AFF3: variants seen among roughly 807,000 people sequenced by gnomAD.
The protein encoded by AFF3 is AF4/FMR2 family member 3.
A neutral mutation model predicts 129.7 loss-of-function variants in AFF3; 32 were observed. The ratio of observed to expected loss-of-function variants is 0.25; its 90% CI spans 0.19 to 0.33. AFF3 has a LOEUF of 0.33. Ranked by LOEUF, AFF3 falls within the 10% of genes least tolerant of loss-of-function variation. The probability of loss-of-function intolerance (pLI) is 1.00; values close to 1 mark genes in which losing one functional copy is unlikely to be tolerated. For missense variants in AFF3, 1,373 were observed against 1,592.0 expected, an observed-to-expected ratio of 0.86 and a Z score of 2.34; for synonymous variants, 644 against 635.4, an observed-to-expected ratio of 1.01 and a Z score of -0.20.
chr2:99,728,246 C>A (rs978566244), intron 10 of AFF3, among the ~76,000 whole-genome samples: 3 of 152,156 alleles, frequency 2.0e-5, no homozygotes, highest in African/African-American at 7.2e-5. Context: ...TAACTGAGAG[C>A]GTGGGCTCGT....
In AFF3 at chr2:99,841,211, C is replaced by T. The variant is rs1226767950; in HGVS notation, c.874-3687G>A. ...AATGACAGGTTGCTTTTATAACTAT[C>T]TCCCTTATAATCCTATACATTTCAA... is the stretch of plus-strand genomic sequence containing the variant. On this transcript the variant is annotated intron_variant, in intron 7 of 24. Transcript: ENST00000672756. Among the ~76,000 whole-genome samples, 5 of 152,346 alleles carry T rather than the reference C, an allele frequency of 3.3e-5. No homozygotes were observed. The East Asian group carries it at 5.8e-4, about 18-fold the overall frequency.
chr2:100,016,191 A>G (rs369531099), intron 4 of AFF3, among the ~76,000 whole-genome samples: 13 of 128,472 alleles, frequency 1.0e-4, no homozygotes, highest in African/African-American at 3.9e-4. Context: ...CGATGCTGAT[A>G]ATGATTGTGG....
chr2:99,673,233 C>T (rs1158169789), intron 11 of AFF3, among the ~76,000 whole-genome samples: 1 of 151,830 alleles, frequency 6.6e-6, no homozygotes, highest in Non-Finnish European at 1.5e-5. Flanking sequence ...GAGTTGTGAG[C>T]GAAGCTTCTT....
intron 1 of AFF3, among the ~76,000 whole-genome samples, chr2:100,131,581 TC>T (rs1692431148): frequency 6.6e-6 from 1 of 152,156 alleles, no homozygotes; most frequent in Admixed American, 6.5e-5. Flanking sequence ...TGCCTCAGCC[TC>T]CCGAGGAGCT....
At chr2:99,896,497 G>A (rs891855871) in intron 7 of AFF3, among the ~76,000 whole-genome samples, 4 of 151,756 alleles carry the variant, frequency 2.6e-5, no homozygotes, top group African/African-American at 7.3e-5. Flanking sequence ...GATGCCTTTT[G>A]CATGAACTGT....
intron 7 of AFF3, among the ~76,000 whole-genome samples, chr2:99,983,763 A>G (rs1679611408): frequency 6.6e-6 from 1 of 152,240 alleles, no homozygotes; most frequent in South Asian, 2.1e-4. Context: ...GAGTTTAATC[A>G]AAAGAAGAAA....
chr2:100,004,485 CT>C (rs1235805665), intron 7 of AFF3, among the ~76,000 whole-genome samples: 8 of 152,030 alleles, frequency 5.3e-5, no homozygotes, highest in African/African-American at 1.9e-4. Flanking sequence ...TGGGATCTCA[CT>C]ATGTTGCCCA....
intron 11 of AFF3, among the ~76,000 whole-genome samples, chr2:99,674,251 T>G (rs1397878870): frequency 6.6e-6 from 1 of 152,172 alleles, no homozygotes; most frequent in South Asian, 2.1e-4. Context: ...ACGCCATTCA[T>G]TTCCTTCACC....
At chr2:99,707,358 A>ATT (rs1677498395) in intron 11 of AFF3, 1 of 985,212 alleles carries the variant, frequency 1.0e-6, no homozygotes, top group Non-Finnish European at 1.2e-6. Context: ...TTAAATTAAA[A>ATT]AAGCCATCTT....
chr2:99,674,686 A>C (rs1301811989), intron 11 of AFF3, among the ~76,000 whole-genome samples: 2 of 152,116 alleles, frequency 1.3e-5, no homozygotes, highest in Non-Finnish European at 2.9e-5. Context: ...TGTCAGATGG[A>C]GGCTGTGTGG....
At chr2:99,987,420 G>T (rs559413887) in intron 7 of AFF3, among the ~76,000 whole-genome samples, 2 of 152,288 alleles carry the variant, frequency 1.3e-5, no homozygotes, top group South Asian at 4.1e-4. Context: ...TTAAGCTAAC[G>T]TTAGTTTAGA....
intron 10 of AFF3, 115 bp downstream of exon 10, chr2:99,743,989 T>C: frequency 1.1e-6 from 1 of 872,658 alleles, no homozygotes; most frequent in Non-Finnish European, 1.7e-6. Flanking sequence ...CCCCAGTTTT[T>C]TAGTGAATTT....
chr2:100,119,027 C>T (rs1691844815), intron 2 of AFF3, among the ~76,000 whole-genome samples: 1 of 152,198 alleles, frequency 6.6e-6, no homozygotes, highest in Non-Finnish European at 1.5e-5. Context: ...TCATGAACCC[C>T]CTGACCTCAG....
Position 99,892,767 on chromosome 2 carries a change from T to C in AFF3, c.874-55243A>G, listed in dbSNP as rs138650946. Among the ~76,000 whole-genome samples the C allele has an allele frequency of 7.4e-4, 112 of 152,314 alleles. 5 individuals carry two copies. The East Asian group carries it at 0.02, about 28-fold the overall frequency. On this transcript the variant is annotated intron_variant, in intron 7 of 24. Transcript: ENST00000672756. ...TTCCTGCTCAAGACAGCATCCGATCTCTGTAGCACTGCAGGCCCTGACTGC... is the reference window on the plus strand; with the variant it reads ...TTCCTGCTCAAGACAGCATCCGATCCCTGTAGCACTGCAGGCCCTGACTGC...
At chr2:99,731,111 A>G (rs4241200) in intron 10 of AFF3, among the ~76,000 whole-genome samples, 1 of 151,604 alleles carries the variant, frequency 6.6e-6, no homozygotes, top group Non-Finnish European at 1.5e-5. Context: ...CTGCATGCCA[A>G]AACACCTGGC....
At chr2:100,051,872 T>C (rs1686363994) in intron 4 of AFF3, among the ~76,000 whole-genome samples, 1 of 152,226 alleles carries the variant, frequency 6.6e-6, no homozygotes. Flanking sequence ...ATGGGAGAGA[T>C]TTGATCAATT....
At chr2:100,117,807 T>C (rs1287331145) in intron 2 of AFF3, among the ~76,000 whole-genome samples, 1 of 152,228 alleles carries the variant, frequency 6.6e-6, no homozygotes, top group Non-Finnish European at 1.5e-5. Flanking sequence ...TTCAAGATTA[T>C]CTTTACATAA....
At chr2:100,115,473 T>G (rs1204673961) in intron 2 of AFF3, among the ~76,000 whole-genome samples, 1 of 152,180 alleles carries the variant, frequency 6.6e-6, no homozygotes, top group Non-Finnish European at 1.5e-5. Context: ...GAGAATCTCT[T>G]GAACCCAGGA....
intron 8 of AFF3, among the ~76,000 whole-genome samples, chr2:99,828,377 C>T (rs923548753): frequency 7.9e-5 from 12 of 152,186 alleles, no homozygotes; most frequent in African/African-American, 1.9e-4. Context: ...AAGCAGACGT[C>T]GCAACCGGCT....
Sources: allele counts gnomAD v4.1 joint callset (sites outside exome capture counted in the v4.1 genomes callset), GRCh38; gene constraint gnomAD v4.1.1; transcripts MANE v1.5; gene names NCBI Gene and HGNC (gene_info 2026-07-23, HGNC 2026-07-21).